Variants in LITAF observed in about 807,000 individuals in gnomAD.
The protein encoded by LITAF is lipopolysaccharide-induced tumor necrosis factor-alpha factor.
Under a neutral mutation model 14.5 loss-of-function variants are expected in LITAF, and 9 were observed. The ratio of observed to expected loss-of-function variants is 0.62; its 90% CI spans 0.37 to 1.08. LITAF has a LOEUF of 1.08. Ranked by LOEUF, LITAF falls within the 50% of genes least tolerant of loss-of-function variation. The pLI, the probability that LITAF is intolerant of heterozygous loss-of-function variation, is 0.01. For missense variants in LITAF, 206 were observed against 213.4 expected (o/e 0.97, Z 0.22); for synonymous variants, 98 against 88.2 (o/e 1.11, Z -0.62).
chr16:11,632,300 G>T lies in LITAF; in HGVS notation c.85+1233C>A, dbSNP rs1407994260. On this transcript the variant is annotated intron_variant, in intron 3 of 3. Coordinates refer to the LITAF transcript ENST00000574848. The surrounding 1 kb of genome is among the most constrained non-coding windows in gnomAD (Gnocchi z 4.8). ...GGGAACAGGATTAGGCAATCCGCTGGCCCCTCCCCACATGGACTGAGAAAG... is the reference window on the plus strand; with the variant it reads ...GGGAACAGGATTAGGCAATCCGCTGTCCCCTCCCCACATGGACTGAGAAAG... Among the ~76,000 whole-genome samples the T allele has an allele frequency of 6.6e-6, 1 of 152,116 alleles. No individual in the cohort carries two copies. Among genetic ancestry groups the T allele is most frequent in the Non-Finnish European group, 1.5e-5 (1 of 68,020 alleles).
intron 1 of LITAF, among the ~76,000 whole-genome samples, chr16:11,560,179 C>T (rs28413693): frequency 0.035 from 5,339 of 151,268 alleles, 280 homozygotes; most frequent in African/African-American, 0.12. Context: ...CGCCTGTAAT[C>T]CCAGCTACTC....
At chr16:11,627,507 T>C (rs2065090944) in intron 3 of LITAF, among the ~76,000 whole-genome samples, 1 of 152,246 alleles carries the variant, frequency 6.6e-6, no homozygotes, top group Non-Finnish European at 1.5e-5. Flanking sequence ...ATTCTGGTTT[T>C]TGCAGCATTC....
At chr16:11,608,824 A>G (rs1349940818) in intron 3 of LITAF, among the ~76,000 whole-genome samples, 2 of 152,256 alleles carry the variant, frequency 1.3e-5, no homozygotes, top group South Asian at 2.1e-4. Flanking sequence ...TTAGCTGGGC[A>G]TGGTGCCGCA....
intron 1 of LITAF, among the ~76,000 whole-genome samples, chr16:11,580,392 G>T (rs1028205254): frequency 9.2e-5 from 14 of 152,010 alleles, no homozygotes; most frequent in Admixed American, 8.5e-4. Context: ...TGAGTAGCTG[G>T]GATTACAGAT....
chr16:11,638,104 A>C (rs542168895), upstream of LITAF, among the ~76,000 whole-genome samples: 6 of 140,218 alleles, frequency 4.3e-5, 1 homozygote, highest in South Asian at 2.2e-4. Flanking sequence ...ATCTATATAT[A>C]TATATCTATC....
chr16:11,625,555 G>A (rs1567267364), intron 3 of LITAF, among the ~76,000 whole-genome samples: 1 of 152,118 alleles, frequency 6.6e-6, no homozygotes. Flanking sequence ...GAGCCACTGT[G>A]CCTGGCTCCA....
At chr16:11,629,265 A>C (rs1262722525) in intron 3 of LITAF, 1 of 152,288 alleles carries the variant, frequency 6.6e-6, no homozygotes, top group Non-Finnish European at 1.5e-5. Context: ...CTCAGCCGGG[A>C]AGTCAGACAT....
chr16:11,568,058 C>A (rs146452663), intron 1 of LITAF, among the ~76,000 whole-genome samples: 1 of 151,928 alleles, frequency 6.6e-6, no homozygotes, highest in Admixed American at 6.6e-5. Flanking sequence ...AAGCCCAAGG[C>A]GGGAGGATGG....
intron 1 of LITAF, among the ~76,000 whole-genome samples, chr16:11,578,439 G>A (rs1422412943): frequency 6.6e-6 from 1 of 152,128 alleles, no homozygotes; most frequent in African/African-American, 2.4e-5. Context: ...GCTGAGGCAG[G>A]AGAATTGCTT....
In LITAF at chr16:11,632,664, C is replaced by A. The variant is rs1037305038; in HGVS notation, c.85+869G>T. On this transcript the variant is annotated intron_variant, in intron 3 of 3. Coordinates refer to the LITAF transcript ENST00000574848. This position sits in a 1 kb window ranked among gnomAD's most constrained non-coding sequence, Gnocchi z 4.8. ...GCCAGGGGAAGAACTGATGGCTGGA[C>A]CCCAGGCCCAAGGCAGATGCCACCC... 6.6e-6 allele frequency among the ~76,000 whole-genome samples: 1 copy of A among 152,184 alleles called. No homozygotes were observed. Among genetic ancestry groups the A allele is most frequent in the Non-Finnish European group, 1.5e-5 (1 of 68,022 alleles).
chr16:11,577,503 A>C (rs1597353324), intron 1 of LITAF, among the ~76,000 whole-genome samples: 1 of 151,928 alleles, frequency 6.6e-6, no homozygotes, highest in African/African-American at 2.4e-5. Context: ...CTTTTAGTAG[A>C]GATGAGGTTT....
chr16:11,581,369 T>G (rs1477824893), intron 1 of LITAF, among the ~76,000 whole-genome samples: 1 of 152,082 alleles, frequency 6.6e-6, no homozygotes, highest in South Asian at 2.1e-4. Context: ...TTTGAGTGCT[T>G]TGGGGTGAGG....
chr16:11,618,832 A>G (rs953444630), intron 3 of LITAF, among the ~76,000 whole-genome samples: 2 of 151,888 alleles, frequency 1.3e-5, no homozygotes, highest in Admixed American at 6.6e-5. Context: ...AAAATACGAA[A>G]GTTAGCCGGG....
At chr16:11,552,206 G>A (rs2064192350) in intron 3 of LITAF, among the ~76,000 whole-genome samples, 1 of 152,194 alleles carries the variant, frequency 6.6e-6, no homozygotes, top group African/African-American at 2.4e-5. Context: ...TTCCTTCAAG[G>A]AAAAGAATGG....
At chr16:11,575,168 T>C (rs2064611508) in intron 1 of LITAF, among the ~76,000 whole-genome samples, 1 of 152,070 alleles carries the variant, frequency 6.6e-6, no homozygotes, top group Non-Finnish European at 1.5e-5. Context: ...TAAACACCAA[T>C]GGTGGACAAA....
intron 3 of LITAF, among the ~76,000 whole-genome samples, chr16:11,628,266 T>C (rs1275605375): frequency 1.3e-5 from 2 of 152,156 alleles, no homozygotes; most frequent in African/African-American, 4.8e-5. Context: ...GATAACTCGC[T>C]AAACTTGGGG....
At position 11,549,380 on chromosome 16, in the gene LITAF, T is replaced by C. The variant is rs1377733060; in HGVS notation, c.*257A>G. On this transcript the variant is annotated 3_prime_UTR_variant, in exon 4 of 4. Transcript: ENST00000622633. This position sits in a 1 kb window ranked among gnomAD's most constrained non-coding sequence, Gnocchi z 4.6. ...CACAGTTAGATGGCAGGACTCAGGG[T>C]CTCAGGGAGGCAGGAAACCGTGGAA... The C allele has an allele frequency of 1.9e-6, 1 of 536,678 alleles. No homozygotes were observed. Among genetic ancestry groups the C allele is most frequent in the South Asian group, 1.5e-5 (1 of 65,204 alleles). The allele number at this position is 536,678 out of a possible 1,614,324, so 33.2% of individuals were successfully genotyped here. A position where few individuals can be genotyped will look rare whatever the true frequency, so the allele number is the denominator to read the frequency against.
intron 3 of LITAF, among the ~76,000 whole-genome samples, chr16:11,628,637 G>A (rs1187076684): frequency 2.6e-5 from 4 of 152,086 alleles, no homozygotes; most frequent in African/African-American, 9.7e-5. Flanking sequence ...CAAGTAGCTG[G>A]GATTACAGGT....
intron 3 of LITAF, among the ~76,000 whole-genome samples, chr16:11,621,188 C>T (rs984177928): frequency 1.3e-5 from 2 of 152,204 alleles, no homozygotes; most frequent in African/African-American, 4.8e-5. Context: ...CCTTAGCCTC[C>T]AGAGTAGCTG....
Sources: allele counts gnomAD v4.1 joint callset (sites outside exome capture counted in the v4.1 genomes callset), GRCh38; gene constraint gnomAD v4.1.1; non-coding constraint Gnocchi (gnomAD v3.1); transcripts MANE v1.5; gene names NCBI Gene and HGNC (gene_info 2026-07-23, HGNC 2026-07-21).